Variants in RAB27B observed in about 807,000 individuals in gnomAD.
RAB27B encodes RAB27B, member RAS oncogene family.
Under a neutral mutation model 24.6 loss-of-function variants are expected in RAB27B, and 15 were observed. The ratio of observed to expected loss-of-function variants is 0.61; its 90% CI spans 0.41 to 0.94. RAB27B has a LOEUF of 0.94. RAB27B is among the 40% of genes least tolerant of loss of function. RAB27B has a pLI of 0.00. For missense variants in RAB27B, 261 were observed against 266.8 expected (o/e 0.98, Z 0.15); for synonymous variants, 105 against 92.5 (o/e 1.14, Z -0.78).
At chr18:54,814,404 G>A (rs12970682) in intron 2 of RAB27B, among the ~76,000 whole-genome samples, 34,709 of 152,018 alleles carry the variant, frequency 0.23, 4,225 homozygotes, top group East Asian at 0.41. Flanking sequence ...AAGGGAATAG[G>A]GTCGAATGGA....
chr18:54,754,363 A>G (rs920547226), intron 2 of RAB27B, among the ~76,000 whole-genome samples: 3 of 152,114 alleles, frequency 2.0e-5, no homozygotes, highest in Non-Finnish European at 4.4e-5. Flanking sequence ...TCTTTTATAA[A>G]TTTTCCAGTC....
At chr18:54,867,515 C>T (rs184260325) in intron 1 of RAB27B, among the ~76,000 whole-genome samples, 176 of 142,650 alleles carry the variant, frequency 1.2e-3, no homozygotes, top group Non-Finnish European at 2.2e-3. Flanking sequence ...GACGCTATCT[C>T]GGCTCACTGC....
chr18:54,831,918 G>T (rs1910695886), intron 1 of RAB27B, among the ~76,000 whole-genome samples: 1 of 152,086 alleles, frequency 6.6e-6, no homozygotes, highest in South Asian at 2.1e-4. Context: ...TGGGACTACA[G>T]GCATGCACCA....
chr18:54,750,874 G>T (rs780089721), intron 2 of RAB27B, among the ~76,000 whole-genome samples: 1 of 152,176 alleles, frequency 6.6e-6, no homozygotes, highest in Non-Finnish European at 1.5e-5. Flanking sequence ...TGATGGGCAG[G>T]AGTTAGTCAA....
intron 2 of RAB27B, among the ~76,000 whole-genome samples, chr18:54,815,191 G>T (rs1048915169): frequency 1.3e-5 from 2 of 152,116 alleles, no homozygotes; most frequent in Non-Finnish European, 2.9e-5. Context: ...AAAATGCATG[G>T]ATTATAACTA....
chr18:54,724,910 C>T (rs1469886507), intron 2 of RAB27B, among the ~76,000 whole-genome samples: 1 of 151,472 alleles, frequency 6.6e-6, no homozygotes, highest in Non-Finnish European at 1.5e-5. Context: ...AAACTTGATT[C>T]TTACTTATGA....
intron 2 of RAB27B, among the ~76,000 whole-genome samples, chr18:54,801,533 T>C (rs1368277369): frequency 6.6e-6 from 1 of 152,164 alleles, no homozygotes; most frequent in African/African-American, 2.4e-5. Context: ...CACTTACTAT[T>C]GCCCATCTAG....
intron 2 of RAB27B, among the ~76,000 whole-genome samples, chr18:54,743,783 G>A (rs1290460405): frequency 6.6e-6 from 1 of 152,154 alleles, no homozygotes; most frequent in East Asian, 1.9e-4. Context: ...TAGAACTGTG[G>A]CCTTTATGCC....
At chr18:54,825,287 G>T (rs536202550), upstream of RAB27B, among the ~76,000 whole-genome samples, 6 of 152,036 alleles carry the variant, frequency 3.9e-5, no homozygotes, top group Non-Finnish European at 8.8e-5. Flanking sequence ...GATATATTTC[G>T]ATGAGTTTAA....
At chr18:54,781,264 G>A (rs1908908509) in intron 2 of RAB27B, among the ~76,000 whole-genome samples, 1 of 151,990 alleles carries the variant, frequency 6.6e-6, no homozygotes, top group Non-Finnish European at 1.5e-5. Flanking sequence ...CTGTCCACTG[G>A]CCTTTCTGCT....
intron 2 of RAB27B, among the ~76,000 whole-genome samples, chr18:54,778,592 C>T (rs1908789725): frequency 1.3e-5 from 2 of 152,160 alleles, no homozygotes; most frequent in South Asian, 2.1e-4. Flanking sequence ...TGATTCTGTC[C>T]TCCTGGAGTA....
intron 1 of RAB27B, among the ~76,000 whole-genome samples, chr18:54,873,160 G>A (rs1912545403): frequency 6.6e-6 from 1 of 152,150 alleles, no homozygotes; most frequent in Non-Finnish European, 1.5e-5. Flanking sequence ...TTCCTTCTCT[G>A]TATATGACTT....
chr18:54,819,855 G>A (rs1201194133), intron 2 of RAB27B, among the ~76,000 whole-genome samples: 1 of 146,234 alleles, frequency 6.8e-6, no homozygotes, highest in East Asian at 2.1e-4. Flanking sequence ...CCACCTATGA[G>A]TGAGAACATG....
At chr18:54,749,313 T>C (rs142983805) in intron 2 of RAB27B, among the ~76,000 whole-genome samples, 2,368 of 152,290 alleles carry the variant, frequency 0.016, 29 homozygotes, top group Middle Eastern at 0.041. Context: ...CTTATTTCTA[T>C]GGCCTTTCCA....
At chr18:54,842,149 A>C (rs997143349) in intron 1 of RAB27B, among the ~76,000 whole-genome samples, 1 of 152,238 alleles carries the variant, frequency 6.6e-6, no homozygotes, top group African/African-American at 2.4e-5. Context: ...CTGGTTTTCT[A>C]TCTGTACTTG....
At chr18:54,792,377 CAG>C (rs1255188170) in intron 2 of RAB27B, among the ~76,000 whole-genome samples, 1 of 152,172 alleles carries the variant, frequency 6.6e-6, no homozygotes, top group Non-Finnish European at 1.5e-5. Context: ...GCCTAAGCAA[CAG>C]AGCAAGATCC....
chr18:54,739,326 G>C (rs1446873813), intron 2 of RAB27B, among the ~76,000 whole-genome samples: 1 of 151,618 alleles, frequency 6.6e-6, no homozygotes, highest in Non-Finnish European at 1.5e-5. Flanking sequence ...CGTGGTGGTG[G>C]GTGCCTGTAA....
chr18:54,882,984 G>T (rs1268247241), intron 3 of RAB27B, among the ~76,000 whole-genome samples: 1 of 152,164 alleles, frequency 6.6e-6, no homozygotes, highest in African/African-American at 2.4e-5. Flanking sequence ...GAGAGAATGG[G>T]TTTGGAAGTA....
At chr18:54,796,642 T>C (rs1432094468) in intron 2 of RAB27B, among the ~76,000 whole-genome samples, 1 of 152,178 alleles carries the variant, frequency 6.6e-6, no homozygotes, top group African/African-American at 2.4e-5. Context: ...ATTGCTCTAC[T>C]CCTCTGCTCC....
Sources: allele counts gnomAD v4.1 joint callset (sites outside exome capture counted in the v4.1 genomes callset), GRCh38; gene constraint gnomAD v4.1.1; transcripts MANE v1.5; gene names NCBI Gene and HGNC (gene_info 2026-07-23, HGNC 2026-07-21).